ELP4: variants seen among roughly 807,000 people sequenced by gnomAD.
ELP4 encodes elongator complex protein 4.
Under a neutral mutation model 48.9 loss-of-function variants are expected in ELP4, and 51 were observed. The ratio of observed to expected loss-of-function variants is 1.04; its 90% CI spans 0.83 to 1.32. The LOEUF (loss-of-function observed/expected upper bound fraction) is 1.32, where lower values mean the gene tolerates loss of function less well. Among genes scored for constraint, ELP4 ranks in the 40% most tolerant of loss-of-function variants. The pLI is 0.00. For missense variants in ELP4, 519 were observed against 514.6 expected (o/e 1.01, Z -0.08); for synonymous variants, 210 against 189.2 (o/e 1.11, Z -0.90).
chr11:31,620,694 TAAAG>T (rs1205594956), intron 5 of ELP4, among the ~76,000 whole-genome samples: 1 of 151,908 alleles, frequency 6.6e-6, no homozygotes, highest in Non-Finnish European at 1.5e-5. Flanking sequence ...CATCAGTAAT[TAAAG>T]GAAGTCAGAG....
Position 31,594,728 on chromosome 11 carries a change from T to C in ELP4, c.382-42T>C, listed in dbSNP as rs899971281. 30 of 1,412,202 alleles carry C rather than the reference T, an allele frequency of 2.1e-5. No individual in the cohort carries two copies. In the East Asian group the frequency reaches 8.2e-4, roughly 38 times the overall value. The allele number at this position is 1,412,202 out of a possible 1,614,324, so 87.5% of individuals were successfully genotyped here. A position where few individuals can be genotyped will look rare whatever the true frequency, so the allele number is the denominator to read the frequency against. The stretch of plus-strand genomic sequence containing the variant: ...TTATGGTTTAAGAAAATTGTCATAT[T>C]TTACCACAGAATCTCAATTATGTGT... On this transcript the variant is annotated intron_variant, in intron 3 of 9. Transcript: ENST00000640961.
intron 7 of ELP4, among the ~76,000 whole-genome samples, chr11:31,635,808 A>C (rs1944962659): frequency 6.6e-6 from 1 of 152,074 alleles, no homozygotes; most frequent in South Asian, 2.1e-4. Context: ...ATCAGGCTAC[A>C]AAAAATAAGA....
intron 9 of ELP4, among the ~76,000 whole-genome samples, chr11:31,761,205 G>A (rs1442253075): frequency 1.3e-5 from 2 of 152,042 alleles, no homozygotes; most frequent in Admixed American, 6.5e-5. Context: ...GGGCATGGTG[G>A]CACACACTTG....
intron 9 of ELP4, among the ~76,000 whole-genome samples, chr11:31,748,008 A>G (rs1215480734): frequency 1.3e-5 from 2 of 152,228 alleles, no homozygotes; most frequent in African/African-American, 4.8e-5. Flanking sequence ...TGTTTGGACT[A>G]TGTCCAAAAA....
At chr11:31,561,230 A>T (rs892468877) in intron 3 of ELP4, among the ~76,000 whole-genome samples, 6 of 152,166 alleles carry the variant, frequency 3.9e-5, no homozygotes, top group Admixed American at 1.3e-4. Context: ...CTATAGTTGT[A>T]CTGAGTATAC....
chr11:31,620,401 G>T (rs1366713118), intron 5 of ELP4, among the ~76,000 whole-genome samples: 1 of 151,974 alleles, frequency 6.6e-6, no homozygotes, highest in African/African-American at 2.4e-5. Context: ...TCTCAGCAGG[G>T]TCAAATGATT....
intron 9 of ELP4, among the ~76,000 whole-genome samples, chr11:31,664,984 C>CA (rs1009519346): frequency 1.3e-5 from 2 of 152,076 alleles, no homozygotes; most frequent in African/African-American, 4.8e-5. Context: ...TTTGAACATG[C>CA]AATTGGTCAC....
At chr11:31,547,813 G>T (rs993717383) in intron 3 of ELP4, among the ~76,000 whole-genome samples, 5 of 152,166 alleles carry the variant, frequency 3.3e-5, no homozygotes, top group African/African-American at 9.7e-5. Flanking sequence ...TCATCCCTGG[G>T]ATGCAAGGCT....
At chr11:31,606,958 C>A (rs1348566790) in intron 5 of ELP4, among the ~76,000 whole-genome samples, 2 of 152,128 alleles carry the variant, frequency 1.3e-5, no homozygotes, top group African/African-American at 2.4e-5. Flanking sequence ...GGAGATGGGG[C>A]CTTTGGGAAG....
chr11:31,618,832 C>G (rs1270801464), intron 5 of ELP4, among the ~76,000 whole-genome samples: 2 of 151,990 alleles, frequency 1.3e-5, no homozygotes, highest in African/African-American at 2.4e-5. Context: ...TATACTAGAA[C>G]TATTGAACTG....
chr11:31,551,366 T>C (rs1301724327), intron 3 of ELP4, among the ~76,000 whole-genome samples: 1 of 152,196 alleles, frequency 6.6e-6, no homozygotes, highest in Non-Finnish European at 1.5e-5. Context: ...CTTTGGGACA[T>C]TGTCCCCATA....
intron 9 of ELP4, among the ~76,000 whole-genome samples, chr11:31,760,459 G>A (rs1006181426): frequency 3.9e-5 from 6 of 152,080 alleles, no homozygotes; most frequent in African/African-American, 1.4e-4. Flanking sequence ...TATCTTTCTT[G>A]CTTTGGCAAG....
At chr11:31,692,722 T>C (rs181559946) in intron 9 of ELP4, among the ~76,000 whole-genome samples, 7 of 152,266 alleles carry the variant, frequency 4.6e-5, no homozygotes, top group African/African-American at 1.7e-4. Context: ...ACACATGATG[T>C]TGCCTCTGAT....
chr11:31,581,252 C>A (rs1038218832), intron 3 of ELP4, among the ~76,000 whole-genome samples: 4 of 152,128 alleles, frequency 2.6e-5, no homozygotes, highest in Admixed American at 1.3e-4. Flanking sequence ...CTGCCTTGAC[C>A]TTGCTTCTGT....
rs1360932855 is a variant in ELP4, at chr11:31,786,675, A to T, written c.*3151A>T. On this transcript the variant is annotated 3_prime_UTR_variant, in exon 10 of 10. Transcript: ENST00000640961. The stretch of plus-strand genomic sequence containing the variant: ...ATACTGTATGAGTGAATCTTAGGAA[A>T]CCTAGTGATGATAGTAAGAAGAAAT... The T allele has an allele frequency of 6.0e-6, 1 of 165,850 alleles. No individual in the cohort carries two copies. The highest frequency in any genetic ancestry group is 8.3e-5 in the Admixed American group (1 of 11,994). 10.3% of individuals were successfully genotyped at this position (165,850 alleles called of 1,614,324 possible).
chr11:31,705,894 C>G (rs983275337), intron 9 of ELP4, among the ~76,000 whole-genome samples: 2 of 151,652 alleles, frequency 1.3e-5, no homozygotes, highest in Non-Finnish European at 2.9e-5. Context: ...GCTCTGTCAC[C>G]CAGGCAAGAG....
intron 9 of ELP4, among the ~76,000 whole-genome samples, chr11:31,731,159 C>A (rs1947178281): frequency 1.3e-5 from 2 of 151,908 alleles, no homozygotes; most frequent in South Asian, 4.2e-4. Context: ...GTGTAGATAC[C>A]AACACAAAGT....
At chr11:31,664,811 A>G (rs1451249899) in intron 9 of ELP4, among the ~76,000 whole-genome samples, 4 of 152,174 alleles carry the variant, frequency 2.6e-5, no homozygotes, top group Admixed American at 2.0e-4. Flanking sequence ...CATCACCTTG[A>G]GAATAAAGGT....
intron 9 of ELP4, among the ~76,000 whole-genome samples, chr11:31,658,361 T>A (rs1945481592): frequency 2.0e-5 from 3 of 149,988 alleles, no homozygotes; most frequent in South Asian, 4.2e-4. Context: ...TGATGTTATT[T>A]TATATATATA....
Sources: allele counts gnomAD v4.1 joint callset (sites outside exome capture counted in the v4.1 genomes callset), GRCh38; gene constraint gnomAD v4.1.1; transcripts MANE v1.5; gene names NCBI Gene and HGNC (gene_info 2026-07-23, HGNC 2026-07-21).